Variants in DNASE1 observed in about 807,000 individuals in gnomAD.
DNASE1 encodes deoxyribonuclease-1.
In DNASE1, 40 loss-of-function variants were observed where a neutral mutation model predicts 33.9. That is an observed-to-expected ratio of 1.18 (90% CI 0.92 to 1.54). The LOEUF is 1.54. DNASE1 is among the 40% of genes most tolerant of loss of function. The pLI, the probability that DNASE1 is intolerant of heterozygous loss-of-function variation, is 0.00. For missense variants in DNASE1, 518 were observed against 372.6 expected (o/e 1.39, Z -3.21); for synonymous variants, 216 against 160.0 (o/e 1.35, Z -2.64).
downstream of DNASE1, chr16:3,658,311 G>A: frequency 3.4e-6 from 4 of 1,169,116 alleles, no homozygotes; most frequent in Non-Finnish European, 5.0e-6. Flanking sequence ...GAGTCTCACT[G>A]TTGCCGAGGC....
chr16:3,637,303 A>G (rs1446278486), intron 1 of DNASE1, among the ~76,000 whole-genome samples: 1 of 152,284 alleles, frequency 6.6e-6, no homozygotes, highest in Non-Finnish European at 1.5e-5. Flanking sequence ...GACTTCTTAA[A>G]TAAAGTCTGA....
Position 3,656,983 on chromosome 16 carries a change from G to C in DNASE1, c.437-16G>C, listed in dbSNP as rs370925031. The C allele has an allele frequency of 2.5e-6, 4 of 1,612,156 alleles. No individual in the cohort carries two copies. The African/African-American group carries it at 4.0e-5, about 16-fold the overall frequency. On this transcript the variant is annotated splice_polypyrimidine_tract_variant and intron_variant, in intron 5 of 8. Transcript: ENST00000246949. ...CCCCAGGGAGTGTGCCTCACACGAC[G>C]TGGCTGTCTCCACAGAGGTCAGGGA...
upstream of DNASE1, chr16:3,651,327 A>T (rs564977259): frequency 6.6e-6 from 1 of 152,254 alleles, no homozygotes; most frequent in African/African-American, 2.4e-5. Context: ...GTTTAATTTA[A>T]CCTGAGAAGG....
chr16:3,646,085 C>T (rs1343432167), intron 1 of DNASE1, among the ~76,000 whole-genome samples: 1 of 152,122 alleles, frequency 6.6e-6, no homozygotes, highest in Non-Finnish European at 1.5e-5. Context: ...GCAGATAGGT[C>T]TTGTAGGGCT....
At chr16:3,620,312 G>A (rs897219415) in intron 1 of DNASE1, among the ~76,000 whole-genome samples, 9 of 152,196 alleles carry the variant, frequency 5.9e-5, no homozygotes, top group Non-Finnish European at 1.2e-4. Context: ...TCACGTGACT[G>A]GGTAACAAGC....
chr16:3,664,732 GGGACCCCACCCAACAGCAGAGCCCGGCCT>G, exon 10 of DNASE1: 1 of 414,350 alleles, frequency 2.4e-6, no homozygotes, highest in Middle Eastern at 6.5e-4. Flanking sequence ...GCCCTGGGAG[GGGACCCCACCCAACAGCAGAGCCCGGCCT>G]GGACCCAGCG....
chr16:3,648,787 T>C (rs2151201528), intron 1 of DNASE1, among the ~76,000 whole-genome samples: 1 of 152,370 alleles, frequency 6.6e-6, no homozygotes, highest in South Asian at 2.1e-4. Context: ...GTTACACAAA[T>C]GTCTGTTTGC....
intron 1 of DNASE1, among the ~76,000 whole-genome samples, chr16:3,644,524 C>T (rs1203918495): frequency 6.6e-6 from 1 of 151,744 alleles, no homozygotes; most frequent in Admixed American, 6.6e-5. Flanking sequence ...GATTGCACCC[C>T]TGCACTCCAG....
At chr16:3,619,241 G>T (rs1359344993) in intron 1 of DNASE1, among the ~76,000 whole-genome samples, 2 of 152,110 alleles carry the variant, frequency 1.3e-5, no homozygotes, top group Non-Finnish European at 2.9e-5. Context: ...TTGCCATGTT[G>T]CCCAGGCTGA....
upstream of DNASE1, among the ~76,000 whole-genome samples, chr16:3,641,590 CT>C (rs1334271200): frequency 2.6e-5 from 4 of 152,200 alleles, no homozygotes; most frequent in African/African-American, 9.7e-5. Flanking sequence ...TGTGAAATGG[CT>C]TCTCCATGTA....
chr16:3,617,400 C>G (rs1323275217), intron 1 of DNASE1, among the ~76,000 whole-genome samples: 2 of 147,354 alleles, frequency 1.4e-5, no homozygotes, highest in Non-Finnish European at 3.0e-5. Flanking sequence ...TGGCAGTAGA[C>G]TCTAGATATG....
chr16:3,621,211 G>A (rs1393596316), intron 1 of DNASE1, among the ~76,000 whole-genome samples: 2 of 151,912 alleles, frequency 1.3e-5, no homozygotes, highest in African/African-American at 4.8e-5. Context: ...TCAGTATCCC[G>A]AGTAGCCAAG....
At chr16:3,649,828 A>T (rs1414753933), upstream of DNASE1, among the ~76,000 whole-genome samples, 2 of 151,810 alleles carry the variant, frequency 1.3e-5, no homozygotes, top group Non-Finnish European at 2.9e-5. Context: ...GGAGCTTCTT[A>T]AGTTAAATCG....
chr16:3,630,155 T>TG (rs2041651962), intron 1 of DNASE1, among the ~76,000 whole-genome samples: 1 of 144,028 alleles, frequency 6.9e-6, no homozygotes, highest in African/African-American at 2.5e-5. Context: ...GTGTGTGTGT[T>TG]TGTTGTTGTT....
Position 3,657,345 on chromosome 16 carries a change from A to T in DNASE1, c.704+4A>T, listed in dbSNP as rs868275122. ...CCACGCACTGTGCCTATGACAGGTGAGCAGGGCCTCGCGCTTAGGGCAGAC... is the reference window on the plus strand; with the variant it reads ...CCACGCACTGTGCCTATGACAGGTGTGCAGGGCCTCGCGCTTAGGGCAGAC... On this transcript the variant is annotated splice_donor_region_variant and intron_variant, in intron 7 of 8. Transcript: ENST00000246949. 4.3e-6 allele frequency: 7 copies of T among 1,612,656 alleles called. No individual in the cohort carries two copies. The Middle Eastern group carries it at 6.6e-4, about 152-fold the overall frequency.
At chr16:3,658,383 G>C, downstream of DNASE1, 1 of 669,260 alleles carries the variant, frequency 1.5e-6, no homozygotes, top group Admixed American at 2.8e-5. Flanking sequence ...GCCTCCCAAA[G>C]TGCTGGGATT....
chr16:3,660,659 A>G (rs1019820015), downstream of DNASE1: 3 of 152,236 alleles, frequency 2.0e-5, no homozygotes, highest in African/African-American at 7.2e-5. Context: ...GCCTTTCCCC[A>G]GGAGTGCCAT....
chr16:3,617,927 G>A (rs535444961), intron 1 of DNASE1, among the ~76,000 whole-genome samples: 1 of 152,240 alleles, frequency 6.6e-6, no homozygotes, highest in South Asian at 2.1e-4. Flanking sequence ...GAGAATTTCT[G>A]TTGTTTATTA....
intron 1 of DNASE1, among the ~76,000 whole-genome samples, chr16:3,619,674 T>TAAAAA (rs112990379): frequency 6.6e-6 from 1 of 150,792 alleles, no homozygotes; most frequent in East Asian, 2.0e-4. Context: ...TGTAGGTAAT[T>TAAAAA]AAAAAAAAAA....
Sources: allele counts gnomAD v4.1 joint callset (sites outside exome capture counted in the v4.1 genomes callset), GRCh38; gene constraint gnomAD v4.1.1; transcripts MANE v1.5; gene names NCBI Gene and HGNC (gene_info 2026-07-23, HGNC 2026-07-21).